The following MAML1 variants were observed in gnomAD, a reference collection of about 807,000 sequenced individuals.
MAML1 encodes mastermind-like protein 1.
In MAML1, 14 loss-of-function variants were observed where a neutral mutation model predicts 77.1. The observed-to-expected ratio is 0.18, with a 90% confidence interval of 0.12 to 0.28. The LOEUF is 0.28. Among genes scored for constraint, MAML1 ranks in the 10% least tolerant of loss-of-function variants. The pLI, the probability that MAML1 is intolerant of heterozygous loss-of-function variation, is 1.00. For missense variants in MAML1, 1,217 were observed against 1,327.8 expected (o/e 0.92, Z 1.30); for synonymous variants, 516 against 551.9 (o/e 0.93, Z 0.91).
intron 1 of MAML1, among the ~76,000 whole-genome samples, chr5:179,741,450 T>C (rs1779282191): frequency 6.6e-6 from 1 of 152,028 alleles, no homozygotes; most frequent in South Asian, 2.1e-4. Flanking sequence ...TTTGAGAGGC[T>C]GAGGTGGGCG....
intron 1 of MAML1, among the ~76,000 whole-genome samples, chr5:179,760,326 G>A (rs977911173): frequency 6.6e-6 from 1 of 152,084 alleles, no homozygotes; most frequent in Non-Finnish European, 1.5e-5. Flanking sequence ...TGGGTGGTAG[G>A]TGATGTGGAT....
rs1160174708 is a variant in MAML1 at position 179,766,240 on chromosome 5, G to C, written c.1230G>C (p.Gln410His). Residue 410 changes from glutamine to histidine, a missense_variant, in exon 2 of 5, where the codon CAG (glutamine) becomes CAC (histidine). Around this residue, in one of 3 missense-constraint regions of MAML1, gnomAD observed 884 missense variants for 949.3 expected, o/e 0.93. Transcript: ENST00000292599. This position sits in a 1 kb window ranked among gnomAD's most constrained non-coding sequence, Gnocchi z 4.0. Reference sequence around the variant, plus strand: ...TCGCTGCCAAGCAGAAGCGCGAGCAGATGCTCCAGAACCCACAGCAGGCCA... The same window carrying C: ...TCGCTGCCAAGCAGAAGCGCGAGCACATGCTCCAGAACCCACAGCAGGCCA... ...QQIAAKQKRE[Q>H]MLQNPQQATP... 6.2e-7 allele frequency: 1 copy of C among 1,613,806 alleles called. No individual in the cohort carries two copies. Among genetic ancestry groups the C allele is most frequent in the Admixed American group, 1.7e-5 (1 of 60,002 alleles).
intron 1 of MAML1, among the ~76,000 whole-genome samples, chr5:179,764,971 CATATAT>C (rs147334870): frequency 1.4e-5 from 2 of 139,302 alleles, no homozygotes; most frequent in East Asian, 4.2e-4. Context: ...CATCTCAAAA[CATATAT>C]ATATATATAA....
At position 179,768,865 on chromosome 5, in the gene MAML1, A is replaced by C. The variant is rs1562574301; in HGVS notation, c.1747A>C (p.Ser583Arg). The change falls in exon 3 of 5, where the codon AGT becomes CGT. Residue 583 changes from serine to arginine, a missense_variant. Ser to Arg is a moderately radical substitution (Grantham distance 110). Around this residue, in one of 3 missense-constraint regions of MAML1, gnomAD observed 884 missense variants for 949.3 expected, o/e 0.93. Transcript: ENST00000292599. ...VPPGQEQNPS[S>R]VPVQAQATSV... ...GTGTTGACAGGAGCAGAACCCTTCC[A>C]GTGTCCCTGTGCAAGCCCAGGCTAC... The C allele has an allele frequency of 2.5e-6, 4 of 1,614,164 alleles. No homozygotes were observed. The highest frequency in any genetic ancestry group is 3.4e-6 in the Non-Finnish European group (4 of 1,180,032).
At position 179,775,259 on chromosome 5, in the gene MAML1, GTGCTGGGGACAAGT is replaced by G. The variant is rs1430285336; in HGVS notation, c.*384_*397del. On this transcript the variant is annotated 3_prime_UTR_variant, in exon 5 of 5. Transcript: ENST00000292599. ...ATCCAAGACTGCTCCACTTACCCCA[GTGCTGGGGACAAGT>G]TTCTGTTGAAACTTTAGATAGCAGA... The G allele has an allele frequency of 6.0e-6, 6 of 1,007,670 alleles. No individual in the cohort carries two copies. The highest frequency in any genetic ancestry group is 7.1e-6 in the Non-Finnish European group (6 of 845,310). 62.4% of individuals were successfully genotyped at this position (1,007,670 alleles called of 1,614,324 possible). A position where few individuals can be genotyped will look rare whatever the true frequency, so the allele number is the denominator to read the frequency against.
chr5:179,732,898 A>T lies in MAML1; in HGVS notation c.-215A>T. The stretch of plus-strand genomic sequence containing the variant: ...ACAATGGGGCCGGGGCGGTGGGGAG[A>T]GGCCGAGGCTTGAGGTAGGCAGCAA... On this transcript the variant is annotated 5_prime_UTR_variant, in exon 1 of 5. Coordinates refer to ENST00000292599, the MANE Select transcript of MAML1 (RefSeq NM_014757.5). The T allele has an allele frequency of 3.6e-6, 1 of 274,240 alleles. No individual in the cohort carries two copies. Among genetic ancestry groups the T allele is most frequent in the Non-Finnish European group, 6.8e-6 (1 of 147,630 alleles). The allele number at this position is 274,240 out of a possible 1,614,324, so 17.0% of individuals were successfully genotyped here. A position where few individuals can be genotyped will look rare whatever the true frequency, so the allele number is the denominator to read the frequency against.
chr5:179,770,871 A>G (rs1755973123), intron 3 of MAML1: 1 of 334,534 alleles, frequency 3.0e-6, no homozygotes, highest in Non-Finnish European at 5.8e-6. Context: ...GATTCTGGCC[A>G]TCCTAGTGGG....
chr5:179,745,724 G>C (rs1447887874), intron 1 of MAML1, among the ~76,000 whole-genome samples: 1 of 151,920 alleles, frequency 6.6e-6, no homozygotes, highest in Non-Finnish European at 1.5e-5. Context: ...GCCAGGCGTG[G>C]TGGCGGGCGT....
intron 1 of MAML1, among the ~76,000 whole-genome samples, chr5:179,757,922 C>T (rs530315036): frequency 3.2e-4 from 49 of 152,216 alleles, no homozygotes; most frequent in Non-Finnish European, 6.0e-4. Context: ...AACTTTCCAT[C>T]GAAAAAGGTG....
chr5:179,739,321 C>T (rs1410906728), intron 1 of MAML1, among the ~76,000 whole-genome samples: 2 of 152,108 alleles, frequency 1.3e-5, no homozygotes, highest in Non-Finnish European at 2.9e-5. Context: ...AGTTTTAGAC[C>T]AGGCTTAGCA....
intron 1 of MAML1, among the ~76,000 whole-genome samples, chr5:179,751,153 A>G (rs1198615585): frequency 6.6e-6 from 1 of 151,902 alleles, no homozygotes; most frequent in Non-Finnish European, 1.5e-5. Flanking sequence ...TTTTATTTTT[A>G]GTAGAGACAG....
At position 179,776,100 on chromosome 5, in the gene MAML1, G is replaced by T. The variant is rs918054565; in HGVS notation, c.*1223G>T. ...GGGTCCACGAAATAGAATATGACAT[G>T]TGAGCTGTTTTTGGAAAACGAAGAT... On this transcript the variant is annotated 3_prime_UTR_variant, in exon 5 of 5. Transcript: ENST00000292599. The T allele has an allele frequency of 1.1e-5, 11 of 985,812 alleles. No homozygotes were observed. The South Asian group carries it at 2.3e-4, about 21-fold the overall frequency. The allele number at this position is 985,812 out of a possible 1,614,324, so 61.1% of individuals were successfully genotyped here.
intron 2 of MAML1, among the ~76,000 whole-genome samples, chr5:179,767,730 T>G (rs1452301068): frequency 1.3e-5 from 2 of 152,212 alleles, no homozygotes; most frequent in East Asian, 1.9e-4. Context: ...GGGTAGCACT[T>G]TGCAACTTAC....
intron 1 of MAML1, among the ~76,000 whole-genome samples, chr5:179,760,362 T>C (rs1020794393): frequency 6.6e-6 from 1 of 151,934 alleles, no homozygotes; most frequent in African/African-American, 2.4e-5. Context: ...CCACCTGAAT[T>C]AGAAGCTGAG....
chr5:179,766,235 G>A lies in MAML1; in HGVS notation c.1225G>A (p.Glu409Lys), dbSNP rs746380404. The A allele has an allele frequency of 4.4e-5, 71 of 1,613,402 alleles. No homozygotes were observed. Among genetic ancestry groups the A allele is most frequent in the East Asian group, 1.1e-4 (5 of 44,846 alleles). Reference protein sequence around the residue: ...LQQIAAKQKREQMLQNPQQAT... With the variant: ...LQQIAAKQKRKQMLQNPQQAT... ...GCAGATCGCTGCCAAGCAGAAGCGCGAGCAGATGCTCCAGAACCCACAGCA... is the reference window on the plus strand; with the variant it reads ...GCAGATCGCTGCCAAGCAGAAGCGCAAGCAGATGCTCCAGAACCCACAGCA... Residue 409 changes from glutamate (E) to lysine (K), a missense_variant, in exon 2 of 5, where the codon GAG becomes AAG. Glu to Lys is a moderately conservative substitution (Grantham distance 56, BLOSUM62 1). This residue lies in a region of MAML1 where 884 missense variants were observed against 949.3 expected (regional missense o/e 0.93). Coordinates refer to ENST00000292599, the MANE Select transcript of MAML1 (RefSeq NM_014757.5). This position sits in a 1 kb window ranked among gnomAD's most constrained non-coding sequence, Gnocchi z 4.0.
intron 1 of MAML1, among the ~76,000 whole-genome samples, chr5:179,741,085 CTT>C (rs1779275112): frequency 6.6e-5 from 10 of 152,148 alleles, no homozygotes; most frequent in Admixed American, 6.5e-4. Context: ...CCAAAATGGA[CTT>C]TCCCTTTTTC....
At chr5:179,772,159 C>A (rs1756009259) in intron 4 of MAML1, among the ~76,000 whole-genome samples, 1 of 152,178 alleles carries the variant, frequency 6.6e-6, no homozygotes, top group Non-Finnish European at 1.5e-5. Flanking sequence ...TGGTCTGTCG[C>A]CCAGGCTGCA....
chr5:179,753,697 G>A (rs1581934568), intron 1 of MAML1, among the ~76,000 whole-genome samples: 1 of 95,470 alleles, frequency 1.0e-5, no homozygotes, highest in Non-Finnish European at 2.0e-5. Flanking sequence ...TTTCGCCCTT[G>A]TTGCCCAGGC....
chr5:179,743,303 C>G (rs1779317118), intron 1 of MAML1, among the ~76,000 whole-genome samples: 2 of 151,716 alleles, frequency 1.3e-5, no homozygotes, highest in South Asian at 4.2e-4. Flanking sequence ...CCGCCTGCCT[C>G]CGCCTCCCAA....
Sources: gnomAD v4.1 joint callset for allele counts (sites outside exome capture counted in the v4.1 genomes callset) on GRCh38, gnomAD v4.1.1 for gene constraint, gnomAD v4.1.1 regional missense constraint, Gnocchi (gnomAD v3.1) non-coding constraint, MANE v1.5 for transcripts, NCBI Gene and HGNC (gene_info 2026-07-23, HGNC 2026-07-21) for gene names.